The following GOLT1B variants were observed in gnomAD, a reference collection of about 807,000 sequenced individuals.
GOLT1B encodes the protein vesicle transport protein GOT1B.
Under a neutral mutation model 15.4 loss-of-function variants are expected in GOLT1B, and 3 were observed. That is an observed-to-expected ratio of 0.19 (90% confidence interval 0.09 to 0.50). The LOEUF is 0.50. GOLT1B is among the 20% of genes least tolerant of loss of function. The pLI is 0.97. For synonymous variants in GOLT1B, 65 were observed against 56.2 expected (o/e 1.16, Z -0.70); for missense variants, 145 against 160.4 (o/e 0.90, Z 0.52).
chr12:21,510,105 A>T (rs35538394), intron 3 of GOLT1B, among the ~76,000 whole-genome samples: 63,658 of 152,096 alleles, frequency 0.42, 14,620 homozygotes, highest in East Asian at 0.67. Flanking sequence ...AGAAAAACTG[A>T]AGTCAGGGGA....
intron 1 of GOLT1B, among the ~76,000 whole-genome samples, chr12:21,503,107 C>A (rs1400933828): frequency 6.6e-6 from 1 of 152,184 alleles, no homozygotes; most frequent in African/African-American, 2.4e-5. Context: ...TTGCCGCCCA[C>A]TTTGGTCCAT....
Position 21,516,449 on chromosome 12 carries a change from A to G in GOLT1B, c.*742A>G, listed in dbSNP as rs1411356914. On this transcript the variant is annotated 3_prime_UTR_variant, in exon 5 of 5. Coordinates refer to ENST00000229314, the MANE Select transcript of GOLT1B (RefSeq NM_016072.5). ...TCCTAAGTATCTGTCTATATCATTC[A>G]TTACGTGTAAGTATTTAACAAAAAA... 1.3e-5 allele frequency: 2 copies of G among 152,064 alleles called. No homozygotes were observed. The highest frequency in any genetic ancestry group is 2.4e-5 in the African/African-American group (1 of 41,430). 9.4% of individuals were successfully genotyped at this position (152,064 alleles called of 1,614,324 possible). A position where few individuals can be genotyped will look rare whatever the true frequency, so the allele number is the denominator to read the frequency against.
At chr12:21,511,524 T>C (rs1943719901) in intron 3 of GOLT1B, among the ~76,000 whole-genome samples, 1 of 152,132 alleles carries the variant, frequency 6.6e-6, no homozygotes, top group Non-Finnish European at 1.5e-5. Flanking sequence ...AGGGCTCAGA[T>C]TTCCAGCCCT....
chr12:21,506,309 T>C lies in GOLT1B; in HGVS notation c.26-576T>C, dbSNP rs952239766. Among the ~76,000 whole-genome samples the C allele has an allele frequency of 5.9e-5, 9 of 152,100 alleles. No individual in the cohort carries two copies. The South Asian group carries it at 1.7e-3, about 28-fold the overall frequency. On this transcript the variant is annotated intron_variant, in intron 1 of 4. Transcript: ENST00000229314. ...AAAGTGATGCCTGACCTTCTGAAAA[T>C]TTGGTTTTGAGAATACTGGTACCAT...
chr12:21,502,710 C>T (rs1165933873), intron 1 of GOLT1B, among the ~76,000 whole-genome samples: 2 of 152,094 alleles, frequency 1.3e-5, no homozygotes, highest in African/African-American at 2.4e-5. Context: ...CCTTTTCTTT[C>T]ATTATAATAT....
chr12:21,502,516 C>T (rs1412471324), intron 1 of GOLT1B, among the ~76,000 whole-genome samples: 1 of 152,202 alleles, frequency 6.6e-6, no homozygotes, highest in Non-Finnish European at 1.5e-5. Context: ...AACATTCTCA[C>T]TTTTCTACCT....
intron 1 of GOLT1B, among the ~76,000 whole-genome samples, chr12:21,503,405 C>G (rs1472395683): frequency 6.6e-6 from 1 of 152,182 alleles, no homozygotes; most frequent in East Asian, 1.9e-4. Context: ...ACCTTTTGCA[C>G]TGTACCCCAC....
At position 21,515,953 on chromosome 12, in the gene GOLT1B, C is replaced by T. The variant is rs968987106; in HGVS notation, c.*246C>T. 7.7e-6 allele frequency: 3 copies of T among 389,668 alleles called. No individual in the cohort carries two copies. Among genetic ancestry groups the T allele is most frequent in the Non-Finnish European group, 1.4e-5 (3 of 221,426 alleles). The allele number at this position is 389,668 out of a possible 1,614,324, so 24.1% of individuals were successfully genotyped here. A position where few individuals can be genotyped will look rare whatever the true frequency, so the allele number is the denominator to read the frequency against. Reference sequence around the variant, plus strand: ...AGAGGTGAAATCCATGTTAATGATGCTTAAGAAACTCTTGAAGGCTATTTG... The same window carrying T: ...AGAGGTGAAATCCATGTTAATGATGTTTAAGAAACTCTTGAAGGCTATTTG... On this transcript the variant is annotated 3_prime_UTR_variant, in exon 5 of 5. Coordinates refer to ENST00000229314, the MANE Select transcript of GOLT1B (RefSeq NM_016072.5).
At chr12:21,512,862 C>T (rs772823849) in intron 4 of GOLT1B, among the ~76,000 whole-genome samples, 4 of 151,994 alleles carry the variant, frequency 2.6e-5, no homozygotes, top group African/African-American at 4.8e-5. Flanking sequence ...CCTAGGAGTT[C>T]GAGACCAGCC....
intron 4 of GOLT1B, among the ~76,000 whole-genome samples, chr12:21,513,371 GC>G (rs1943733986): frequency 6.6e-6 from 1 of 152,164 alleles, no homozygotes; most frequent in African/African-American, 2.4e-5. Flanking sequence ...GTCTTAGAAG[GC>G]CATTCAGAAT....
At chr12:21,504,751 A>T (rs1458683742) in intron 1 of GOLT1B, among the ~76,000 whole-genome samples, 2 of 152,236 alleles carry the variant, frequency 1.3e-5, no homozygotes, top group Non-Finnish European at 2.9e-5. Flanking sequence ...ATTTTTGTAT[A>T]AACACTTCAT....
In GOLT1B at chr12:21,506,914, G is replaced by A. The variant is rs199777124; in HGVS notation, c.55G>A (p.Val19Met). 1 of 1,498,400 alleles carries A rather than the reference G, an allele frequency of 6.7e-7. No individual in the cohort carries two copies. The highest frequency in any genetic ancestry group is 9.3e-7 in the Non-Finnish European group (1 of 1,077,190). 92.8% of individuals were successfully genotyped at this position (1,498,400 alleles called of 1,614,324 possible). A position where few individuals can be genotyped will look rare whatever the true frequency, so the allele number is the denominator to read the frequency against. The change falls in exon 2 of 5, where the codon GTG becomes ATG. Residue 19 changes from valine (V) to methionine (M), a missense_variant. Val to Met is a conservative substitution (Grantham distance 21). Transcript: ENST00000229314. ...TGGAATGGGATTAACAGGATTTGGA[G>A]TGTTTTTCCTGTTCTTTGGAATGAT... ...KIGMGLTGFGVFFLFFGMILF... is the reference protein window; with the variant it reads ...KIGMGLTGFGMFFLFFGMILF...
chr12:21,510,366 G>C (rs540652828), intron 3 of GOLT1B, among the ~76,000 whole-genome samples: 2 of 152,158 alleles, frequency 1.3e-5, no homozygotes, highest in East Asian at 3.8e-4. Flanking sequence ...GAAAATCATT[G>C]GCTTTCCCAG....
chr12:21,502,275 T>C (rs1304701994), intron 1 of GOLT1B, among the ~76,000 whole-genome samples: 1 of 152,160 alleles, frequency 6.6e-6, no homozygotes, highest in East Asian at 1.9e-4. Flanking sequence ...TTCTAGGGGC[T>C]TGCCACAAGA....
Position 21,501,796 on chromosome 12 carries a change from G to T in GOLT1B, c.-128G>T. 13 of 706,218 alleles carry T rather than the reference G, an allele frequency of 1.8e-5. No homozygotes were observed. In the South Asian group the frequency reaches 1.9e-4, roughly 10 times the overall value. 43.7% of individuals were successfully genotyped at this position (706,218 alleles called of 1,614,324 possible). A position where few individuals can be genotyped will look rare whatever the true frequency, so the allele number is the denominator to read the frequency against. ...AAGCGCTCTTAAAGCGGCAGTGAGG[G>T]TGGCTGCGTGTTTCCGGAAGACGTG... On this transcript the variant is annotated 5_prime_UTR_variant, in exon 1 of 5. Transcript: ENST00000229314.
At chr12:21,509,415 A>C (rs1943703744) in intron 3 of GOLT1B, among the ~76,000 whole-genome samples, 2 of 151,276 alleles carry the variant, frequency 1.3e-5, no homozygotes, top group Admixed American at 1.3e-4. Context: ...AAAAAAAAAA[A>C]AAAAAAAAAC....
At chr12:21,503,455 C>A (rs898532352) in intron 1 of GOLT1B, among the ~76,000 whole-genome samples, 7 of 152,180 alleles carry the variant, frequency 4.6e-5, no homozygotes, top group Non-Finnish European at 1.0e-4. Context: ...TATTTGAGAT[C>A]TGAGAATAAT....
intron 1 of GOLT1B, among the ~76,000 whole-genome samples, chr12:21,503,663 A>G (rs571708773): frequency 6.6e-6 from 1 of 152,300 alleles, no homozygotes; most frequent in South Asian, 2.1e-4. Context: ...GTGGATTGAA[A>G]CATAAAACGA....
chr12:21,510,363 A>G (rs1943710876), intron 3 of GOLT1B, among the ~76,000 whole-genome samples: 1 of 152,204 alleles, frequency 6.6e-6, no homozygotes, highest in South Asian at 2.1e-4. Flanking sequence ...TAAGAAAATC[A>G]TTGGCTTTCC....
Sources: gnomAD v4.1 joint callset for allele counts (sites outside exome capture counted in the v4.1 genomes callset) on GRCh38, gnomAD v4.1.1 for gene constraint, MANE v1.5 for transcripts, NCBI Gene and HGNC (gene_info 2026-07-23, HGNC 2026-07-21) for gene names.